SERINC5: variants seen among roughly 807,000 people sequenced by gnomAD.
SERINC5 encodes the protein serine incorporator 5.
In SERINC5, 41 loss-of-function variants were observed where a neutral mutation model predicts 63.1. The observed-to-expected ratio is 0.65, with a 90% CI of 0.51 to 0.84. SERINC5 has a LOEUF of 0.84. Among genes scored for constraint, SERINC5 ranks in the 40% least tolerant of loss-of-function variants. SERINC5 has a pLI of 0.00. For synonymous variants in SERINC5, 222 were observed against 215.2 expected (o/e 1.03, Z -0.28); for missense variants, 523 against 573.0 (o/e 0.91, Z 0.89).
At chr5:80,217,464 T>C (rs972873413) in intron 1 of SERINC5, among the ~76,000 whole-genome samples, 8 of 152,114 alleles carry the variant, frequency 5.3e-5, no homozygotes, top group African/African-American at 1.7e-4. Context: ...TGCTCGGGGA[T>C]GGAAACAGAA....
intron 11 of SERINC5, among the ~76,000 whole-genome samples, chr5:80,123,416 C>G (rs4704614): frequency 0.32 from 49,035 of 152,142 alleles, 8,151 homozygotes; most frequent in Middle Eastern, 0.38. Context: ...GCCTCCATGC[C>G]TAGCTTCCTC....
intron 1 of SERINC5, among the ~76,000 whole-genome samples, chr5:80,253,010 C>A (rs116798385): frequency 1.3e-5 from 2 of 152,298 alleles, no homozygotes; most frequent in East Asian, 3.9e-4. Flanking sequence ...TCTAATGTAA[C>A]GAAGCCAAGA....
At chr5:80,255,820 G>T in intron 1 of SERINC5, 76 bp downstream of exon 1, 1 of 1,476,218 alleles carries the variant, frequency 6.8e-7, no homozygotes, top group Non-Finnish European at 9.2e-7. Context: ...GCGCACCCAG[G>T]CAGGTCCTCC....
chr5:80,116,011 G>A (rs191468664), intron 11 of SERINC5: 115 of 280,174 alleles, frequency 4.1e-4, no homozygotes, highest in Admixed American at 3.1e-3. Context: ...CCACACACAC[G>A]TGAAAGAAAT....
Position 80,142,742 on chromosome 5 carries a change from T to A in SERINC5, c.*921A>T. The stretch of plus-strand genomic sequence containing the variant: ...CCTCAACAACTGAAAGAGCAGTGCA[T>A]GCAGCAGGCTTCAACACGAAGCAGC... On this transcript the variant is annotated 3_prime_UTR_variant, in exon 12 of 12. Transcript: ENST00000507668. 1 of 985,434 alleles carries A rather than the reference T, an allele frequency of 1.0e-6. No homozygotes were observed. The highest frequency in any genetic ancestry group is 4.7e-5 in the South Asian group (1 of 21,292). The allele number at this position is 985,434 out of a possible 1,614,324, so 61.0% of individuals were successfully genotyped here.
intron 11 of SERINC5, among the ~76,000 whole-genome samples, chr5:80,129,688 C>T (rs140956489): frequency 3.3e-5 from 5 of 152,294 alleles, no homozygotes; most frequent in African/African-American, 1.2e-4. Flanking sequence ...TATTTATTAG[C>T]TAGGTTAACA....
intron 1 of SERINC5, among the ~76,000 whole-genome samples, chr5:80,220,348 C>G (rs963789356): frequency 6.6e-6 from 1 of 152,158 alleles, no homozygotes; most frequent in African/African-American, 2.4e-5. Flanking sequence ...GACTAGCACT[C>G]CGGCAACAAA....
At chr5:80,255,810 G>A in intron 1 of SERINC5, 86 bp downstream of exon 1, 2 of 1,402,490 alleles carry the variant, frequency 1.4e-6, no homozygotes, top group South Asian at 1.2e-5. Context: ...GGAGCTGGGA[G>A]CGCACCCAGG....
At chr5:80,171,807 G>A (rs1747678423) in intron 5 of SERINC5, among the ~76,000 whole-genome samples, 1 of 152,028 alleles carries the variant, frequency 6.6e-6, no homozygotes, top group Admixed American at 6.6e-5. Flanking sequence ...CTTGAGCCTA[G>A]GAGTTCAAGG....
chr5:80,120,917 C>T (rs935113553), intron 11 of SERINC5, among the ~76,000 whole-genome samples: 5 of 151,850 alleles, frequency 3.3e-5, no homozygotes, highest in Non-Finnish European at 5.9e-5. Context: ...GACAGAATTT[C>T]GCTCTTGTTG....
At chr5:80,211,521 CTAACTTCGAGCACATCTGTTG>C (rs1426853739) in intron 1 of SERINC5, among the ~76,000 whole-genome samples, 1 of 152,218 alleles carries the variant, frequency 6.6e-6, no homozygotes, top group Non-Finnish European at 1.5e-5. Flanking sequence ...TTGCTCTAAT[CTAACTTCGAGCACATCTGTTG>C]TAACTTCTGA....
chr5:80,147,396 G>T, intron 9 of SERINC5, 112 bp from the exon 10 acceptor site: 2 of 1,098,302 alleles, frequency 1.8e-6, no homozygotes, highest in Non-Finnish European at 2.6e-6. Flanking sequence ...AAAAGATGTG[G>T]ACTGTTCTTT....
intron 11 of SERINC5, among the ~76,000 whole-genome samples, chr5:80,121,855 A>G (rs75777849): frequency 6.6e-6 from 1 of 151,948 alleles, no homozygotes; most frequent in African/African-American, 2.4e-5. Context: ...TGAACTTAAT[A>G]GAGTGAGAAC....
intron 2 of SERINC5, chr5:80,198,567 C>A (rs900241463): frequency 6.1e-6 from 6 of 985,324 alleles, no homozygotes; most frequent in African/African-American, 5.2e-5. Flanking sequence ...CGGGCCGTTA[C>A]AAGCATGCAG....
chr5:80,246,876 C>T (rs2112605599), intron 1 of SERINC5, among the ~76,000 whole-genome samples: 1 of 152,320 alleles, frequency 6.6e-6, no homozygotes, highest in East Asian at 1.9e-4. Context: ...CAAAGGTTTA[C>T]TCTGGGCTAC....
At chr5:80,120,470 T>C (rs1451302712) in intron 11 of SERINC5, among the ~76,000 whole-genome samples, 2 of 152,210 alleles carry the variant, frequency 1.3e-5, no homozygotes, top group African/African-American at 4.8e-5. Flanking sequence ...TGGACTCTTC[T>C]GCAAACGAGA....
chr5:80,135,602 A>AT (rs1491103255), downstream of SERINC5, among the ~76,000 whole-genome samples: 1 of 151,292 alleles, frequency 6.6e-6, no homozygotes, highest in African/African-American at 2.5e-5. Context: ...TAAACAGTTC[A>AT]TAGTGTCCAG....
chr5:80,131,527 G>C (rs1317105661), intron 11 of SERINC5, among the ~76,000 whole-genome samples: 6 of 152,018 alleles, frequency 3.9e-5, no homozygotes, highest in Non-Finnish European at 8.8e-5. Context: ...GCCTGCGGGG[G>C]AGAGGGGGAA....
chr5:80,177,464 G>T (rs6890275), intron 3 of SERINC5, 67 bp from the exon 4 acceptor site: 227,707 of 1,259,752 alleles, frequency 0.18, 28,264 homozygotes, highest in African/African-American at 0.6. Context: ...AAAGGACCTC[G>T]TAGAAGGTAC....
Sources: allele counts gnomAD v4.1 joint callset (sites outside exome capture counted in the v4.1 genomes callset), GRCh38; gene constraint gnomAD v4.1.1; transcripts MANE v1.5; gene names NCBI Gene and HGNC (gene_info 2026-07-23, HGNC 2026-07-21).